DCUN1D1: variants seen among roughly 807,000 people sequenced by gnomAD.
The protein encoded by DCUN1D1 is DCN1-like protein 1.
A neutral mutation model predicts 39.0 loss-of-function variants in DCUN1D1; 3 were observed. The observed-to-expected ratio is 0.08, with a 90% CI of 0.04 to 0.20. The LOEUF is 0.20. Among genes scored for constraint, DCUN1D1 ranks in the 10% least tolerant of loss-of-function variants. The probability of loss-of-function intolerance (pLI) is 1.00; values close to 1 mark genes in which losing one functional copy is unlikely to be tolerated. For missense variants in DCUN1D1, 158 were observed against 302.4 expected (o/e 0.52, Z 3.54); for synonymous variants, 82 against 96.3 (o/e 0.85, Z 0.87).
chr3:182,945,130 G>T lies in DCUN1D1; in HGVS notation c.744C>A (p.Arg248=). The T allele has an allele frequency of 6.2e-7, 1 of 1,612,972 alleles. No individual in the cohort carries two copies. Among genetic ancestry groups the T allele is most frequent in the Non-Finnish European group, 8.5e-7 (1 of 1,179,750 alleles). ...TACTTTTTGTCCCAGCAATTTGAGG[G>T]CGTGCAAATTCCACAAAGTCATCAA... ...VLIDDFVEFA[R]PQIAGTKSTT... Residue 248 remains arginine (R), a synonymous_variant, in exon 7 of 7, where the codon CGC becomes CGA. Transcript: ENST00000292782.
At chr3:182,965,790 A>T (rs568885246) in intron 1 of DCUN1D1, 37 bp from the exon 2 acceptor site, 151 of 1,400,540 alleles carry the variant, frequency 1.1e-4, no homozygotes, top group Non-Finnish European at 1.3e-4. Flanking sequence ...ACTCTATGTA[A>T]AATCACATAA....
At chr3:182,980,848 G>A (rs1353173937), upstream of DCUN1D1, 1 of 150,474 alleles carries the variant, frequency 6.6e-6, no homozygotes, top group African/African-American at 2.5e-5. Context: ...CGTTTCCTAC[G>A]CGGTTCCTTC....
intron 4 of DCUN1D1, among the ~76,000 whole-genome samples, chr3:182,955,154 C>T (rs1365185737): frequency 6.6e-6 from 1 of 151,994 alleles, no homozygotes; most frequent in Non-Finnish European, 1.5e-5. Flanking sequence ...GATTCTCCTG[C>T]CTCAGCCTTC....
At chr3:182,950,106 T>G (rs570211645) in intron 4 of DCUN1D1, among the ~76,000 whole-genome samples, 1 of 152,184 alleles carries the variant, frequency 6.6e-6, no homozygotes, top group African/African-American at 2.4e-5. Flanking sequence ...TTTACCTTGT[T>G]CTCTGGCATT....
At chr3:182,965,427 T>C (rs1727621566) in intron 2 of DCUN1D1, 110 bp downstream of exon 2, 1 of 642,974 alleles carries the variant, frequency 1.6e-6, no homozygotes, top group South Asian at 2.2e-5. Context: ...CAGACCTCTA[T>C]TGGACACATC....
chr3:182,947,513 G>T, intron 5 of DCUN1D1, 37 bp downstream of exon 5: 2 of 1,302,966 alleles, frequency 1.5e-6, no homozygotes, highest in Non-Finnish European at 2.2e-6. Flanking sequence ...AGCAGAATTT[G>T]AGAAAACAGA....
chr3:182,938,744 A>G lies in DCUN1D1; in HGVS notation c.*6350T>C, dbSNP rs549722401. ...ACTAAATGGTATCAACTAAATTTTT[A>G]TAAATTCCAAGAGTCGTTAATTCTC... On this transcript the variant is annotated 3_prime_UTR_variant, in exon 7 of 7. Coordinates refer to ENST00000292782, the MANE Select transcript of DCUN1D1 (RefSeq NM_020640.4). The G allele has an allele frequency of 3.9e-5, 6 of 152,354 alleles. No individual in the cohort carries two copies. The South Asian group carries it at 1.2e-3, about 32-fold the overall frequency. The allele number at this position is 152,354 out of a possible 1,614,324, so 9.4% of individuals were successfully genotyped here.
chr3:182,957,307 TC>T (rs1727123878), intron 4 of DCUN1D1, among the ~76,000 whole-genome samples: 1 of 152,164 alleles, frequency 6.6e-6, no homozygotes, highest in South Asian at 2.1e-4. Context: ...GAAATCCTTT[TC>T]AAATTTTAAG....
At chr3:182,975,435 C>G (rs113268024) in intron 1 of DCUN1D1, among the ~76,000 whole-genome samples, 124 of 151,998 alleles carry the variant, frequency 8.2e-4, no homozygotes, top group African/African-American at 2.8e-3. Context: ...CTCAGCCCCC[C>G]GAAGTACTGG....
chr3:182,972,054 T>G (rs1356078872), intron 1 of DCUN1D1, among the ~76,000 whole-genome samples: 7 of 144,678 alleles, frequency 4.8e-5, no homozygotes, highest in Non-Finnish European at 7.5e-5. Context: ...TTTAGGGTTT[T>G]TTTTTTTTTT....
intron 1 of DCUN1D1, among the ~76,000 whole-genome samples, chr3:182,979,296 T>C (rs1323064020): frequency 6.6e-6 from 1 of 152,176 alleles, no homozygotes; most frequent in African/African-American, 2.4e-5. Flanking sequence ...AGCTGGAGGA[T>C]GGGACTAGAA....
chr3:182,957,950 A>C (rs947167715), intron 4 of DCUN1D1, among the ~76,000 whole-genome samples: 2 of 150,954 alleles, frequency 1.3e-5, no homozygotes, highest in African/African-American at 4.8e-5. Flanking sequence ...AAAAAAAAAA[A>C]AAAAAAAAAA....
chr3:182,977,608 G>C (rs1728300999), intron 1 of DCUN1D1, among the ~76,000 whole-genome samples: 2 of 152,018 alleles, frequency 1.3e-5, no homozygotes, highest in South Asian at 4.1e-4. Flanking sequence ...GCTAATTTTT[G>C]TATTTTTAGT....
At chr3:182,962,835 C>T (rs1410727566) in intron 3 of DCUN1D1, among the ~76,000 whole-genome samples, 1 of 152,182 alleles carries the variant, frequency 6.6e-6, no homozygotes, top group African/African-American at 2.4e-5. Context: ...GGCTGGAGTG[C>T]AATGGCGTGA....
chr3:182,985,297 A>C (rs1386617450), upstream of DCUN1D1, among the ~76,000 whole-genome samples: 2 of 152,158 alleles, frequency 1.3e-5, no homozygotes, highest in Admixed American at 1.3e-4. Context: ...TGGTGATACC[A>C]AAGGAATGAC....
intron 1 of DCUN1D1, among the ~76,000 whole-genome samples, chr3:182,976,408 C>T (rs778315433): frequency 5.3e-5 from 8 of 150,330 alleles, no homozygotes; most frequent in Non-Finnish European, 8.9e-5. Flanking sequence ...TCTGCTCCAA[C>T]GACCCCCTGT....
chr3:182,969,590 AGAGT>A (rs1457982067), intron 1 of DCUN1D1, among the ~76,000 whole-genome samples: 2 of 152,252 alleles, frequency 1.3e-5, no homozygotes, highest in Non-Finnish European at 2.9e-5. Flanking sequence ...GGAATAAACT[AGAGT>A]AATAATTAAA....
At position 182,964,060 on chromosome 3, in the gene DCUN1D1, A is replaced by G. The variant is rs760671999; in HGVS notation, c.221-11T>C. 4.2e-5 allele frequency: 67 copies of G among 1,604,892 alleles called. No individual in the cohort carries two copies. The highest frequency in any genetic ancestry group is 5.5e-5 in the Non-Finnish European group (65 of 1,173,402). ...TCTCATCTTGAGGGTCTTTAAAAAT[A>G]ACAATGCAATATTAAAGTAGTGTCA... is the stretch of plus-strand genomic sequence containing the variant. On this transcript the variant is annotated splice_polypyrimidine_tract_variant and intron_variant, in intron 2 of 6. Coordinates refer to ENST00000292782, the MANE Select transcript of DCUN1D1 (RefSeq NM_020640.4).
rs1367208140 is a variant in DCUN1D1, at chr3:182,975,099, T to G, written c.3+5388A>C. Among the ~76,000 whole-genome samples the G allele has an allele frequency of 2.6e-5, 4 of 151,920 alleles. No individual in the cohort carries two copies. The East Asian group carries it at 5.8e-4, about 22-fold the overall frequency. On this transcript the variant is annotated intron_variant, in intron 1 of 6. Coordinates refer to ENST00000292782, the MANE Select transcript of DCUN1D1 (RefSeq NM_020640.4). ...CTTTCCTTATGCTTGACCCAATCTA[T>G]AAGAGCACAATCAAAGCAGCCACTT...
Sources: allele counts gnomAD v4.1 joint callset (sites outside exome capture counted in the v4.1 genomes callset), GRCh38; gene constraint gnomAD v4.1.1; transcripts MANE v1.5; gene names NCBI Gene and HGNC (gene_info 2026-07-23, HGNC 2026-07-21).